Variants in CCDC146 observed in about 807,000 individuals in gnomAD.
CCDC146 encodes coiled-coil domain containing 146, also known as coiled-coil domain-containing protein 146.
A neutral mutation model predicts 119.3 loss-of-function variants in CCDC146; 92 were observed. That is an observed-to-expected ratio of 0.77 (90% confidence interval 0.65 to 0.92). The LOEUF is 0.92. Among genes scored for constraint, CCDC146 ranks in the 40% least tolerant of loss-of-function variants. The probability of loss-of-function intolerance (pLI) is 0.00; values close to 1 mark genes in which losing one functional copy is unlikely to be tolerated. For missense variants in CCDC146, 1,000 were observed against 1,103.0 expected (o/e 0.91, Z 1.32); for synonymous variants, 372 against 371.8 (o/e 1.00, Z -0.01).
At chr7:77,191,841 C>T (rs1231488871) in intron 2 of CCDC146, among the ~76,000 whole-genome samples, 14 of 152,130 alleles carry the variant, frequency 9.2e-5, no homozygotes, top group African/African-American at 2.9e-4. Context: ...ACCCAGGAGG[C>T]GGAGCGTGCA....
chr7:77,215,678 C>T (rs1214106789), intron 2 of CCDC146, among the ~76,000 whole-genome samples: 2 of 152,208 alleles, frequency 1.3e-5, no homozygotes, highest in Non-Finnish European at 2.9e-5. Flanking sequence ...CTTTTCTCCA[C>T]ATCAAAATCC....
intron 1 of CCDC146, among the ~76,000 whole-genome samples, chr7:77,128,797 T>C (rs1790743845): frequency 1.3e-5 from 2 of 152,164 alleles, no homozygotes; most frequent in South Asian, 4.1e-4. Flanking sequence ...GGAATCCCGA[T>C]ACTCTTTCTC....
chr7:77,228,809 G>A (rs1792567403), intron 2 of CCDC146, among the ~76,000 whole-genome samples: 1 of 152,136 alleles, frequency 6.6e-6, no homozygotes. Flanking sequence ...CACAACCTCA[G>A]CAACATCTGT....
At chr7:77,244,785 A>G (rs970079852) in intron 4 of CCDC146, among the ~76,000 whole-genome samples, 2 of 116,788 alleles carry the variant, frequency 1.7e-5, no homozygotes, top group Non-Finnish European at 3.5e-5. Context: ...AATTCCCTCC[A>G]CACCCTCCCA....
intron 1 of CCDC146, among the ~76,000 whole-genome samples, chr7:77,144,155 G>A (rs1050284697): frequency 1.3e-5 from 2 of 151,564 alleles, no homozygotes; most frequent in Non-Finnish European, 2.9e-5. Flanking sequence ...TGGATTCCTA[G>A]GTATTTTATT....
intron 1 of CCDC146, among the ~76,000 whole-genome samples, chr7:77,136,099 G>A (rs961161515): frequency 6.6e-6 from 1 of 151,774 alleles, no homozygotes; most frequent in African/African-American, 2.4e-5. Flanking sequence ...ATTCAATGAA[G>A]GTGAAAACAA....
intron 2 of CCDC146, among the ~76,000 whole-genome samples, chr7:77,214,591 CTT>C (rs1792262722): frequency 6.6e-6 from 1 of 152,082 alleles, no homozygotes; most frequent in Non-Finnish European, 1.5e-5. Flanking sequence ...TTTAATCCCT[CTT>C]GAGTTAATTT....
chr7:77,158,042 A>T (rs1241686180), intron 1 of CCDC146, among the ~76,000 whole-genome samples: 45 of 151,744 alleles, frequency 3.0e-4, no homozygotes. Flanking sequence ...TATCTTTACA[A>T]CTCTGCCATG....
At chr7:77,165,195 A>G (rs1245061709) in intron 1 of CCDC146, among the ~76,000 whole-genome samples, 1 of 151,966 alleles carries the variant, frequency 6.6e-6, no homozygotes, top group African/African-American at 2.4e-5. Flanking sequence ...CTGCTTGAAT[A>G]CATGACCAAA....
chr7:77,221,879 G>A (rs565454011), intron 2 of CCDC146, among the ~76,000 whole-genome samples: 3 of 152,264 alleles, frequency 2.0e-5, no homozygotes, highest in Middle Eastern at 6.8e-3. Context: ...CGAAACACTT[G>A]CAGAAAACAT....
At chr7:77,157,758 T>G (rs1460515814) in intron 1 of CCDC146, among the ~76,000 whole-genome samples, 2 of 152,210 alleles carry the variant, frequency 1.3e-5, no homozygotes, top group Non-Finnish European at 2.9e-5. Flanking sequence ...CCTGTAAGTG[T>G]GCAGTGTGTG....
At chr7:77,174,257 CT>C (rs1037457322) in intron 2 of CCDC146, among the ~76,000 whole-genome samples, 1 of 152,132 alleles carries the variant, frequency 6.6e-6, no homozygotes, top group Non-Finnish European at 1.5e-5. Flanking sequence ...AGTTTGATTT[CT>C]TTTTTTGTTG....
At chr7:77,179,116 C>T (rs957302032) in intron 2 of CCDC146, among the ~76,000 whole-genome samples, 4 of 151,884 alleles carry the variant, frequency 2.6e-5, no homozygotes, top group Admixed American at 2.0e-4. Flanking sequence ...AAGACAATTA[C>T]TAAAGTTTTC....
chr7:77,242,551 C>A, intron 4 of CCDC146: 1 of 197,524 alleles, frequency 5.1e-6, no homozygotes, highest in Non-Finnish European at 9.1e-6. Context: ...TCTAACATTC[C>A]CCCCATGGAG....
Position 77,133,841 on chromosome 7 carries a change from A to ACACACACACACT in CCDC146, c.-12+11120_-12+11121insTCACACACACAC, listed in dbSNP as rs1554345452. Among the ~76,000 whole-genome samples the ACACACACACACT allele has an allele frequency of 5.4e-3, 810 of 150,474 alleles. 11 individuals carry two copies. Among genetic ancestry groups the ACACACACACACT allele is most frequent in the Admixed American group, 4.9e-3 (75 of 15,158 alleles). On this transcript the variant is annotated intron_variant, in intron 1 of 18. Coordinates refer to ENST00000285871, the MANE Select transcript of CCDC146 (RefSeq NM_020879.3). ...CATATGCTTAGGTACACACACACAC[A>ACACACACACACT]CACACACACACACTCACACACACAT...
intron 2 of CCDC146, among the ~76,000 whole-genome samples, chr7:77,168,437 T>C (rs1480342740): frequency 1.3e-5 from 2 of 151,920 alleles, no homozygotes; most frequent in African/African-American, 4.8e-5. Context: ...GAAAATGATT[T>C]AGAGGACATT....
At chr7:77,255,036 G>T (rs551039440) in intron 5 of CCDC146, among the ~76,000 whole-genome samples, 4 of 152,138 alleles carry the variant, frequency 2.6e-5, no homozygotes, top group Admixed American at 2.0e-4. Flanking sequence ...TGAGCTGGCC[G>T]AATTGGGGCT....
chr7:77,213,448 T>C (rs937585327), intron 2 of CCDC146, among the ~76,000 whole-genome samples: 10 of 152,202 alleles, frequency 6.6e-5, no homozygotes, highest in Admixed American at 1.3e-4. Context: ...TTAATTAGCA[T>C]AGCTGTCATT....
rs149629988 is a variant in CCDC146, at chr7:77,219,572, T to C, written c.157-17375T>C. ...TTATAAGGTTGCTAACTGGTTCACA[T>C]TAGTACATAAACTAAAAGATTCTGA... On this transcript the variant is annotated intron_variant, in intron 2 of 18. Coordinates refer to ENST00000285871, the MANE Select transcript of CCDC146 (RefSeq NM_020879.3). 1.6e-4 allele frequency among the ~76,000 whole-genome samples: 25 copies of C among 152,334 alleles called. 1 individual carries two copies. In the East Asian group the frequency reaches 4.8e-3, roughly 29 times the overall value.
Sources: gnomAD v4.1 joint callset for allele counts (sites outside exome capture counted in the v4.1 genomes callset) on GRCh38, gnomAD v4.1.1 for gene constraint, MANE v1.5 for transcripts, NCBI Gene and HGNC (gene_info 2026-07-23, HGNC 2026-07-21) for gene names.